DMD: variants seen among roughly 807,000 people sequenced by gnomAD.
DMD encodes dystrophin, also known as mutant dystrophin.
A neutral mutation model predicts 330.1 loss-of-function variants in DMD; 63 were observed. The ratio of observed to expected loss-of-function variants is 0.19; its 90% CI spans 0.16 to 0.24. The LOEUF (loss-of-function observed/expected upper bound fraction) is 0.24, where lower values mean the gene tolerates loss of function less well. Ranked by LOEUF, DMD falls within the 10% of genes least tolerant of loss-of-function variation. The pLI is 1.00. For synonymous variants in DMD, 1,223 were observed against 959.8 expected (o/e 1.27, Z -5.07); for missense variants, 3,344 against 2,684.1 (o/e 1.25, Z -5.43).
intron 55 of DMD, among the ~76,000 whole-genome samples, chrX:31,597,399 T>G (rs1385273395): frequency 9.0e-6 from 1 of 111,618 alleles, no homozygotes; most frequent in Admixed American, 9.5e-5. Flanking sequence ...ACTGCATGCA[T>G]GCTCTGCACC....
chrX:32,705,707 T>A lies in DMD; in HGVS notation c.650-6414A>T, dbSNP rs1425811797. 2.7e-5 allele frequency among the ~76,000 whole-genome samples: 3 copies of A among 112,140 alleles called. No homozygotes were observed. In the South Asian group the frequency reaches 1.1e-3, roughly 42 times the overall value. On this transcript the variant is annotated intron_variant, in intron 7 of 78. Coordinates refer to ENST00000357033, the MANE Select transcript of DMD (RefSeq NM_004006.3). ...CGGCACCTGTTGTTTCCTGACTTTT[T>A]AATGATCGCCATTCTAACTGGTGTG...
At chrX:32,865,723 G>C (rs1557099888) in intron 2 of DMD, among the ~76,000 whole-genome samples, 1 of 112,341 alleles carries the variant, frequency 8.9e-6, no homozygotes, top group South Asian at 3.6e-4. Context: ...TTCATATTTT[G>C]ACTGACACTT....
intron 20 of DMD, among the ~76,000 whole-genome samples, chrX:32,488,435 G>T (rs991212596): frequency 9.0e-6 from 1 of 111,224 alleles, no homozygotes; most frequent in Non-Finnish European, 1.9e-5. Context: ...CTAAATATGC[G>T]CTCTAATGTT....
In DMD at chrX:32,647,409, G is replaced by A. The variant is rs777434739; in HGVS notation, c.961-2257C>T. ...TGTCTATAACTGAGTAAACAAGGTT[G>A]CTGGCAGCCCTGGGAGATAATGCTT... On this transcript the variant is annotated intron_variant, in intron 9 of 78. Coordinates refer to ENST00000357033, the MANE Select transcript of DMD (RefSeq NM_004006.3). Among the ~76,000 whole-genome samples the A allele has an allele frequency of 2.7e-5, 3 of 111,719 alleles. No homozygotes were observed. In the East Asian group the frequency reaches 8.5e-4, roughly 32 times the overall value.
intron 19 of DMD, among the ~76,000 whole-genome samples, chrX:32,501,138 T>C (rs1367250360): frequency 8.9e-6 from 1 of 111,915 alleles, no homozygotes; most frequent in Non-Finnish European, 1.9e-5. Context: ...TTTGAGGCAC[T>C]GAGTATTAGA....
chrX:32,012,201 T>C (rs1337627453), intron 44 of DMD, among the ~76,000 whole-genome samples: 1 of 112,378 alleles, frequency 8.9e-6, no homozygotes, highest in Non-Finnish European at 1.9e-5. Flanking sequence ...AGACTTTACT[T>C]AAGCCAGCTT....
chrX:31,355,036 T>G (rs1317987891), intron 60 of DMD, among the ~76,000 whole-genome samples: 2 of 112,253 alleles, frequency 1.8e-5, no homozygotes, highest in African/African-American at 6.5e-5. Context: ...TTGTGAAAGA[T>G]AAGCTTTATT....
chrX:32,102,929 A>G (rs754218558), intron 44 of DMD, among the ~76,000 whole-genome samples: 1 of 112,110 alleles, frequency 8.9e-6, no homozygotes, highest in Admixed American at 9.5e-5. Flanking sequence ...GAGAATTTAT[A>G]AAAACATTTT....
At chrX:32,813,767 G>A (rs2077533742) in intron 6 of DMD, among the ~76,000 whole-genome samples, 1 of 111,159 alleles carries the variant, frequency 9.0e-6, no homozygotes, top group African/African-American at 3.3e-5. Flanking sequence ...AATGTGTGAT[G>A]ATTTTCTCGT....
At chrX:32,596,710 T>A (rs1020979090) in intron 12 of DMD, among the ~76,000 whole-genome samples, 30 of 109,779 alleles carry the variant, frequency 2.7e-4, no homozygotes, top group African/African-American at 9.3e-4. Flanking sequence ...CACGCCCAGC[T>A]AATTTTTTGT....
chrX:31,350,628 TGTGTGAGAGAGA>T (rs1252060788), intron 60 of DMD, among the ~76,000 whole-genome samples: 40 of 52,681 alleles, frequency 7.6e-4, no homozygotes, highest in East Asian at 2.7e-3. Flanking sequence ...TGTGTGTGTG[TGTGTGAGAGAGA>T]GAGAGAGAGA....
chrX:32,821,575 A>G lies in DMD; in HGVS notation c.357+1720T>C, dbSNP rs1379839862. ...TGCACTCCAGCCTGGGCGACAGAGC[A>G]AGACTCTGTCTCAAAATAAAAATAA... On this transcript the variant is annotated intron_variant, in intron 5 of 78. Transcript: ENST00000357033. Among the ~76,000 whole-genome samples the G allele has an allele frequency of 3.7e-5, 4 of 109,463 alleles. No homozygotes were observed. The East Asian group carries it at 8.6e-4, about 23-fold the overall frequency.
intron 74 of DMD, among the ~76,000 whole-genome samples, chrX:31,149,014 C>G (rs182942967): frequency 6.5e-4 from 73 of 112,289 alleles, no homozygotes; most frequent in African/African-American, 2.3e-3. Context: ...TAAATTTTAA[C>G]ATATCCCTGT....
chrX:31,154,285 TTTTTTTATTTTTTTA>T (rs2037819766), intron 74 of DMD, among the ~76,000 whole-genome samples: 1 of 110,182 alleles, frequency 9.1e-6, no homozygotes, highest in Non-Finnish European at 1.9e-5. Context: ...TCTAATGTTT[TTTTTTTATTTTTTTA>T]TTTTTTATTT....
At chrX:33,313,336 C>T (rs1047258325) in intron 1 of DMD, among the ~76,000 whole-genome samples, 2 of 111,660 alleles carry the variant, frequency 1.8e-5, no homozygotes, top group Non-Finnish European at 3.8e-5. Context: ...GGTGTTTGTA[C>T]AGAAAACTAA....
chrX:31,726,908 C>CAA (rs928013900), intron 52 of DMD, among the ~76,000 whole-genome samples: 4 of 111,243 alleles, frequency 3.6e-5, no homozygotes, highest in African/African-American at 1.3e-4. Flanking sequence ...TCCTAAAAGA[C>CAA]AAAAGCTTAG....
At chrX:31,629,920 C>T (rs2079047899) in intron 54 of DMD, among the ~76,000 whole-genome samples, 1 of 111,966 alleles carries the variant, frequency 8.9e-6, no homozygotes, top group Admixed American at 9.5e-5. Flanking sequence ...AGACATTTGA[C>T]ATATTTTCTA....
intron 47 of DMD, among the ~76,000 whole-genome samples, chrX:31,895,576 T>C (rs2094320400): frequency 9.0e-6 from 1 of 111,661 alleles, no homozygotes; most frequent in African/African-American, 3.3e-5. Flanking sequence ...TGCCATGACA[T>C]GGAGTTTTGA....
intron 55 of DMD, among the ~76,000 whole-genome samples, chrX:31,519,661 A>G (rs1305890550): frequency 1.8e-5 from 2 of 112,226 alleles, no homozygotes; most frequent in African/African-American, 6.5e-5. Flanking sequence ...TAGCAGGACA[A>G]TTTCCAAAAT....
Sources: gnomAD v4.1 joint callset for allele counts (sites outside exome capture counted in the v4.1 genomes callset) on GRCh38, gnomAD v4.1.1 for gene constraint, MANE v1.5 for transcripts, NCBI Gene and HGNC (gene_info 2026-07-23, HGNC 2026-07-21) for gene names.